NTRK3: variants seen among roughly 807,000 people sequenced by gnomAD.
The protein encoded by NTRK3 is neurotrophic receptor tyrosine kinase 3.
A neutral mutation model predicts 91.7 loss-of-function variants in NTRK3; 24 were observed. The ratio of observed to expected loss-of-function variants is 0.26; its 90% CI spans 0.19 to 0.37. NTRK3 has a LOEUF of 0.37. Among genes scored for constraint, NTRK3 ranks in the 10% least tolerant of loss-of-function variants. The probability of loss-of-function intolerance (pLI) is 1.00; values close to 1 mark genes in which losing one functional copy is unlikely to be tolerated. For missense variants in NTRK3, 880 were observed against 1,068.9 expected (o/e 0.82, Z 2.46); for synonymous variants, 483 against 404.0 (o/e 1.20, Z -2.34).
At chr15:88,070,398 C>T (rs1026790886) in intron 13 of NTRK3, among the ~76,000 whole-genome samples, 8 of 151,902 alleles carry the variant, frequency 5.3e-5, no homozygotes, top group Admixed American at 1.3e-4. Context: ...CAGAGAGGGG[C>T]GCTGGGGTCT....
chr15:87,928,032 T>C (rs1027968180), intron 17 of NTRK3: 4 of 152,154 alleles, frequency 2.6e-5, no homozygotes, highest in African/African-American at 9.7e-5. Context: ...CAGGCTGGAG[T>C]GCAGTGGTGT....
intron 3 of NTRK3, among the ~76,000 whole-genome samples, chr15:88,209,728 T>C (rs780175259): frequency 2.0e-5 from 3 of 152,208 alleles, no homozygotes; most frequent in Non-Finnish European, 4.4e-5. Context: ...CAAAGACCAC[T>C]ACCCAGAGAG....
At chr15:87,966,938 G>A (rs11073754) in intron 14 of NTRK3, among the ~76,000 whole-genome samples, 28,341 of 152,098 alleles carry the variant, frequency 0.19, 3,063 homozygotes, top group South Asian at 0.37. Context: ...TTCTTGTGGG[G>A]AGCTGTCAGA....
intron 12 of NTRK3, among the ~76,000 whole-genome samples, chr15:88,126,919 C>G (rs953074037): frequency 3.9e-5 from 6 of 152,184 alleles, no homozygotes; most frequent in African/African-American, 1.4e-4. Context: ...CCCAGCTGGG[C>G]TCCTAACAGA....
At chr15:87,940,677 C>A (rs1403420218) in exon 15 of NTRK3, 2 of 1,614,036 alleles carry the variant, frequency 1.2e-6, no homozygotes, top group Non-Finnish European at 1.7e-6. Flanking sequence ...AGCACTCGGC[C>A]AGGAAGACCT....
chr15:87,929,105 T>C (rs1296998729), intron 17 of NTRK3, 86 bp downstream of exon 17: 3 of 1,603,282 alleles, frequency 1.9e-6, no homozygotes, highest in Non-Finnish European at 2.6e-6. Context: ...TGTGCCAGAG[T>C]GACAGGGTTA....
At chr15:87,878,413 T>G (rs1406373916) in intron 18 of NTRK3, among the ~76,000 whole-genome samples, 1 of 152,160 alleles carries the variant, frequency 6.6e-6, no homozygotes, top group Non-Finnish European at 1.5e-5. Flanking sequence ...CCTGGTTATA[T>G]TCACCCTGGA....
chr15:88,111,969 C>T (rs991332188), intron 13 of NTRK3, among the ~76,000 whole-genome samples: 7 of 150,758 alleles, frequency 4.6e-5, no homozygotes, highest in African/African-American at 1.5e-4. Flanking sequence ...TGCAGTGGCA[C>T]GATCTCGGCT....
intron 17 of NTRK3, among the ~76,000 whole-genome samples, chr15:87,884,262 A>G (rs1400457549): frequency 6.6e-6 from 1 of 151,620 alleles, no homozygotes; most frequent in Non-Finnish European, 1.5e-5. Context: ...GTATACATGC[A>G]TTATTGGTTT....
At chr15:87,906,877 C>T (rs573725228) in intron 17 of NTRK3, among the ~76,000 whole-genome samples, 1 of 152,092 alleles carries the variant, frequency 6.6e-6, no homozygotes, top group South Asian at 2.1e-4. Flanking sequence ...TTTACTTTAT[C>T]TTTATTTTTT....
chr15:88,139,877 C>A (rs1442885366), intron 6 of NTRK3, among the ~76,000 whole-genome samples: 1 of 142,914 alleles, frequency 7.0e-6, no homozygotes, highest in African/African-American at 2.6e-5. Flanking sequence ...AAGCTAGGAG[C>A]CCTGACTTCA....
chr15:88,071,893 G>A (rs890509390), intron 13 of NTRK3, among the ~76,000 whole-genome samples: 1 of 152,106 alleles, frequency 6.6e-6, no homozygotes, highest in African/African-American at 2.4e-5. Flanking sequence ...CTCTTTTGGT[G>A]CCTTGGCTCT....
intron 14 of NTRK3, among the ~76,000 whole-genome samples, chr15:87,967,878 G>A (rs777004138): frequency 3.3e-5 from 5 of 152,194 alleles, no homozygotes; most frequent in Admixed American, 6.5e-5. Flanking sequence ...ATGGAATTCT[G>A]ATGGACTTCT....
chr15:88,158,303 G>A (rs1469186567), intron 5 of NTRK3, among the ~76,000 whole-genome samples: 1 of 152,170 alleles, frequency 6.6e-6, no homozygotes, highest in Non-Finnish European at 1.5e-5. Context: ...GGTCCAGGTG[G>A]TGACCCCTTG....
intron 14 of NTRK3, among the ~76,000 whole-genome samples, chr15:87,944,814 G>T (rs1305099657): frequency 3.3e-5 from 5 of 152,196 alleles, no homozygotes; most frequent in Non-Finnish European, 5.9e-5. Flanking sequence ...CAGAGTGCGG[G>T]AGGAAGAGCC....
Position 87,907,584 on chromosome 15 carries a change from G to T in NTRK3, c.2133+21607C>A, listed in dbSNP as rs180939162. 1.1e-4 allele frequency among the ~76,000 whole-genome samples: 17 copies of T among 152,136 alleles called. No individual in the cohort carries two copies. In the East Asian group the frequency reaches 2.9e-3, roughly 26 times the overall value. On this transcript the variant is annotated intron_variant, in intron 17 of 18. Coordinates refer to ENST00000394480, the Ensembl canonical transcript of NTRK3. ...TCACTTCAAAACTGACTTAACTACC[G>T]CACGCCCTGTCAGTGTTAGGAAGCA...
At chr15:88,072,682 G>A (rs2047194857) in intron 13 of NTRK3, 1 of 232,776 alleles carries the variant, frequency 4.3e-6, no homozygotes, top group Non-Finnish European at 8.5e-6. Context: ...AGAATTCAGG[G>A]AAGTTGTACC....
At chr15:87,981,983 G>C (rs1004190996) in intron 14 of NTRK3, among the ~76,000 whole-genome samples, 2 of 152,142 alleles carry the variant, frequency 1.3e-5, no homozygotes. Context: ...CTTCTATAAA[G>C]AGATATCATT....
chr15:88,106,105 G>A (rs1294237570), intron 13 of NTRK3, among the ~76,000 whole-genome samples: 11 of 152,176 alleles, frequency 7.2e-5, no homozygotes, highest in Admixed American at 3.3e-4. Context: ...GGTCCATTCC[G>A]GCTTACCCAG....
Sources: gnomAD v4.1 joint callset for allele counts (sites outside exome capture counted in the v4.1 genomes callset) on GRCh38, gnomAD v4.1.1 for gene constraint, MANE v1.5 for transcripts, NCBI Gene and HGNC (gene_info 2026-07-23, HGNC 2026-07-21) for gene names.